LIPA: variants seen among roughly 807,000 people sequenced by gnomAD.
The protein encoded by LIPA is lipase A, lysosomal acid type.
A neutral mutation model predicts 40.6 loss-of-function variants in LIPA; 26 were observed. The observed-to-expected ratio is 0.64, with a 90% confidence interval of 0.47 to 0.89. LIPA has a LOEUF of 0.89. Ranked by LOEUF, LIPA falls within the 40% of genes least tolerant of loss-of-function variation. The pLI is 0.00. For synonymous variants in LIPA, 188 were observed against 168.4 expected, an observed-to-expected ratio of 1.12 and a Z score of -0.90; for missense variants, 455 against 479.6, an observed-to-expected ratio of 0.95 and a Z score of 0.48.
intron 2 of LIPA, among the ~76,000 whole-genome samples, chr10:89,368,027 C>T (rs971141624): frequency 6.6e-6 from 1 of 152,022 alleles, no homozygotes; most frequent in African/African-American, 2.4e-5. Context: ...TCTCACTATG[C>T]CCAGGCTAGT....
intron 2 of LIPA, among the ~76,000 whole-genome samples, chr10:89,377,866 G>A (rs1030951966): frequency 7.9e-5 from 12 of 152,122 alleles, no homozygotes; most frequent in African/African-American, 1.7e-4. Flanking sequence ...GGGAATTTGC[G>A]TATCAAAACT....
intron 2 of LIPA, among the ~76,000 whole-genome samples, chr10:89,359,764 C>T (rs1844009787): frequency 6.6e-6 from 1 of 152,036 alleles, no homozygotes; most frequent in Non-Finnish European, 1.5e-5. Context: ...TCCTCTCACC[C>T]ATCCACTGAA....
intron 1 of LIPA, among the ~76,000 whole-genome samples, chr10:89,311,994 C>T (rs556658525): frequency 2.6e-5 from 4 of 152,304 alleles, no homozygotes; most frequent in African/African-American, 9.6e-5. Flanking sequence ...TGTCTGTCCC[C>T]ACCATCTCTC....
intron 2 of LIPA, among the ~76,000 whole-genome samples, chr10:89,407,300 T>C (rs2133641613): frequency 6.6e-6 from 1 of 152,306 alleles, no homozygotes; most frequent in South Asian, 2.1e-4. Flanking sequence ...AACTTCCTCT[T>C]GCTTCTCTTC....
At chr10:89,400,129 G>A (rs1844401800) in intron 2 of LIPA, among the ~76,000 whole-genome samples, 1 of 152,072 alleles carries the variant, frequency 6.6e-6, no homozygotes, top group African/African-American at 2.4e-5. Flanking sequence ...TATTTCACTG[G>A]TCTATACATC....
intron 2 of LIPA, among the ~76,000 whole-genome samples, chr10:89,370,394 T>G (rs1347071218): frequency 6.6e-6 from 1 of 150,978 alleles, no homozygotes; most frequent in Non-Finnish European, 1.5e-5. Flanking sequence ...CGGGCTAAGT[T>G]TTTTTTTTAA....
chr10:89,287,181 C>G (rs1041839519), intron 1 of LIPA, among the ~76,000 whole-genome samples: 7 of 152,206 alleles, frequency 4.6e-5, no homozygotes, highest in African/African-American at 1.7e-4. Flanking sequence ...TGACACTGCC[C>G]GATCACCTGA....
At chr10:89,222,724 T>C in intron 7 of LIPA, 142 bp from the exon 8 acceptor site, 1 of 692,574 alleles carries the variant, frequency 1.4e-6, no homozygotes, top group South Asian at 1.5e-5. Flanking sequence ...AAAAAAATTA[T>C]TTGACTAAAA....
intron 1 of LIPA, among the ~76,000 whole-genome samples, chr10:89,275,852 T>C (rs560883968): frequency 6.6e-6 from 1 of 152,330 alleles, no homozygotes; most frequent in East Asian, 1.9e-4. Flanking sequence ...ATCAGGTGAC[T>C]TGATGATTGT....
rs1159887765 is a variant in LIPA, at chr10:89,403,423, A to G, written c.61+9368T>C. 2 of 1,613,992 alleles carry G rather than the reference A, an allele frequency of 1.2e-6. No individual in the cohort carries two copies. The highest frequency in any genetic ancestry group is 1.7e-5 in the Admixed American group (1 of 59,996). Reference sequence around the variant, plus strand: ...GAAACAATGCAAGACATACATTTCCACTATGGTCGGTTTCAGGAATTTCAA... The same window carrying G: ...GAAACAATGCAAGACATACATTTCCGCTATGGTCGGTTTCAGGAATTTCAA... On this transcript the variant is annotated intron_variant, in intron 2 of 8. Coordinates refer to the LIPA transcript ENST00000371837.
chr10:89,393,290 G>T (rs1010383802), intron 2 of LIPA: 3 of 1,289,522 alleles, frequency 2.3e-6, no homozygotes, highest in South Asian at 2.5e-5. Flanking sequence ...TCGCAATCAG[G>T]CTGAGCTTAA....
chr10:89,268,199 G>T (rs190843346), intron 1 of LIPA, among the ~76,000 whole-genome samples: 44 of 152,294 alleles, frequency 2.9e-4, no homozygotes, highest in Middle Eastern at 6.8e-3. Flanking sequence ...GGGTCAGGCT[G>T]CCCACATTCA....
In LIPA at chr10:89,221,005, G is replaced by A. The variant is rs1842690898; in HGVS notation, c.894+1506C>T. 2.6e-5 allele frequency among the ~76,000 whole-genome samples: 4 copies of A among 151,938 alleles called. 1 individual carries two copies. The highest frequency in any genetic ancestry group is 2.6e-4 in the Admixed American group (4 of 15,232). ...CATGACTGTTCTCATGCAAGCTCTA[G>A]AAAATGCAAACTAAGCTACAATGAC... is the stretch of plus-strand genomic sequence containing the variant. On this transcript the variant is annotated intron_variant, in intron 8 of 9. Transcript: ENST00000336233.
intron 1 of LIPA, among the ~76,000 whole-genome samples, chr10:89,319,292 C>T (rs1193765780): frequency 1.3e-5 from 2 of 151,966 alleles, no homozygotes; most frequent in African/African-American, 4.8e-5. Context: ...TTGAAAGGAT[C>T]AACATTATTG....
intron 1 of LIPA, among the ~76,000 whole-genome samples, chr10:89,317,525 T>C (rs889233384): frequency 6.6e-6 from 1 of 151,166 alleles, no homozygotes; most frequent in Non-Finnish European, 1.5e-5. Context: ...GAAAAAAGAG[T>C]AAAAAGAAAT....
At chr10:89,385,385 A>G (rs369531512) in intron 2 of LIPA, among the ~76,000 whole-genome samples, 7 of 152,130 alleles carry the variant, frequency 4.6e-5, no homozygotes, top group Admixed American at 4.6e-4. Context: ...CTATTCTTCC[A>G]CAACACATCC....
chr10:89,297,883 G>C (rs907583025), intron 1 of LIPA, among the ~76,000 whole-genome samples: 1 of 152,306 alleles, frequency 6.6e-6, no homozygotes, highest in East Asian at 1.9e-4. Flanking sequence ...TGCTGTGAGT[G>C]GTGACTGCAC....
At chr10:89,252,271 G>A (rs1564768711), upstream of LIPA, among the ~76,000 whole-genome samples, 1 of 152,154 alleles carries the variant, frequency 6.6e-6, no homozygotes, top group Admixed American at 6.5e-5. Context: ...TGTTAAAAGA[G>A]GAAACAATAT....
At chr10:89,408,397 T>C (rs1841442871) in intron 2 of LIPA, among the ~76,000 whole-genome samples, 1 of 152,206 alleles carries the variant, frequency 6.6e-6, no homozygotes, top group East Asian at 1.9e-4. Context: ...AAGCTTGCAA[T>C]TTACATCCCA....
Sources: gnomAD v4.1 joint callset for allele counts (sites outside exome capture counted in the v4.1 genomes callset) on GRCh38, gnomAD v4.1.1 for gene constraint, MANE v1.5 for transcripts, NCBI Gene and HGNC (gene_info 2026-07-23, HGNC 2026-07-21) for gene names.